The following TOX variants were observed in gnomAD, a reference collection of about 807,000 sequenced individuals.
TOX encodes the protein thymocyte selection-associated high mobility group box protein TOX.
Under a neutral mutation model 53.7 loss-of-function variants are expected in TOX, and 11 were observed. The observed-to-expected ratio is 0.20, with a 90% confidence interval of 0.13 to 0.34. The LOEUF (loss-of-function observed/expected upper bound fraction) is 0.34. TOX is among the 10% of genes least tolerant of loss of function. The pLI is 1.00. For synonymous variants in TOX, 225 were observed against 245.3 expected (o/e 0.92, Z 0.77); for missense variants, 570 against 664.6 (o/e 0.86, Z 1.56).
intron 3 of TOX, among the ~76,000 whole-genome samples, chr8:58,854,911 A>G (rs1259488873): frequency 6.6e-6 from 1 of 152,210 alleles, no homozygotes; most frequent in African/African-American, 2.4e-5. Flanking sequence ...AAGTTTGATT[A>G]CTGAAAATAT....
chr8:58,997,541 C>T (rs939771383), intron 1 of TOX, among the ~76,000 whole-genome samples: 1 of 152,286 alleles, frequency 6.6e-6, no homozygotes, highest in Non-Finnish European at 1.5e-5. Flanking sequence ...CTGCCAAGTG[C>T]GCCTGGGTGG....
At chr8:59,055,147 A>G (rs760114176) in intron 1 of TOX, among the ~76,000 whole-genome samples, 8 of 152,128 alleles carry the variant, frequency 5.3e-5, no homozygotes, top group Non-Finnish European at 1.2e-4. Context: ...ATTACTTTGT[A>G]TACTCCTAGA....
intron 1 of TOX, among the ~76,000 whole-genome samples, chr8:59,058,940 C>A (rs577360077): frequency 2.6e-5 from 4 of 152,326 alleles, no homozygotes; most frequent in African/African-American, 9.6e-5. Context: ...TAATCTTGCA[C>A]ATCAAGCACA....
chr8:58,909,145 C>T (rs1563386408), intron 3 of TOX, among the ~76,000 whole-genome samples: 1 of 152,176 alleles, frequency 6.6e-6, no homozygotes, highest in African/African-American at 2.4e-5. Flanking sequence ...CACCCTGAAA[C>T]AGTTAGACCC....
At chr8:58,818,397 T>C (rs1585841853) in intron 6 of TOX, among the ~76,000 whole-genome samples, 1 of 152,186 alleles carries the variant, frequency 6.6e-6, no homozygotes, top group African/African-American at 2.4e-5. Context: ...TTTCTAATCA[T>C]TGACTGTGAC....
At chr8:59,021,481 A>AAATAAATATATAT (rs59174995) in intron 1 of TOX, among the ~76,000 whole-genome samples, 1 of 64,740 alleles carries the variant, frequency 1.5e-5, no homozygotes, top group Non-Finnish European at 3.1e-5. Context: ...AAAAAAAAAA[A>AAATAAATATATAT]ATATATATAT....
At chr8:59,050,395 G>A (rs760947593) in intron 1 of TOX, among the ~76,000 whole-genome samples, 4 of 151,974 alleles carry the variant, frequency 2.6e-5, no homozygotes, top group Non-Finnish European at 4.4e-5. Context: ...TATTAGAAAC[G>A]ATAAGCCAGA....
intron 5 of TOX, among the ~76,000 whole-genome samples, chr8:58,832,869 G>A (rs778970802): frequency 1.3e-5 from 2 of 152,162 alleles, no homozygotes; most frequent in African/African-American, 4.8e-5. Context: ...TGTTGCTATT[G>A]AGCTGAACTG....
chr8:59,036,624 C>CATCA (rs1480832216), intron 1 of TOX, among the ~76,000 whole-genome samples: 1 of 152,094 alleles, frequency 6.6e-6, no homozygotes, highest in Non-Finnish European at 1.5e-5. Context: ...ATGAAAATAC[C>CATCA]ATCAATCAAT....
At chr8:59,036,843 GATA>G (rs1191722506) in intron 1 of TOX, among the ~76,000 whole-genome samples, 1 of 152,156 alleles carries the variant, frequency 6.6e-6, no homozygotes, top group African/African-American at 2.4e-5. Context: ...TATTTTTGCA[GATA>G]ATAAGATAGA....
chr8:59,018,016 T>C (rs956417404), intron 1 of TOX, among the ~76,000 whole-genome samples: 1 of 152,166 alleles, frequency 6.6e-6, no homozygotes, highest in Non-Finnish European at 1.5e-5. Context: ...AAAGCACTGT[T>C]TTTTACTCCC....
chr8:58,852,363 C>G (rs574427656), intron 3 of TOX, among the ~76,000 whole-genome samples: 10 of 152,278 alleles, frequency 6.6e-5, no homozygotes, highest in Admixed American at 2.0e-4. Flanking sequence ...AACTACCAGA[C>G]TCAAAACACT....
intron 1 of TOX, among the ~76,000 whole-genome samples, chr8:59,006,529 T>C (rs1813794894): frequency 6.6e-6 from 1 of 152,218 alleles, no homozygotes; most frequent in Non-Finnish European, 1.5e-5. Flanking sequence ...CCTGTAATTC[T>C]ACCACCATGG....
intron 4 of TOX, among the ~76,000 whole-genome samples, chr8:58,842,104 T>G (rs1423603580): frequency 1.3e-5 from 2 of 152,170 alleles, no homozygotes; most frequent in Admixed American, 1.3e-4. Flanking sequence ...TAATTTTAGG[T>G]GTCAAGTTGA....
At chr8:58,934,837 G>T (rs1053964228) in intron 3 of TOX, among the ~76,000 whole-genome samples, 2 of 152,116 alleles carry the variant, frequency 1.3e-5, no homozygotes, top group Non-Finnish European at 2.9e-5. Context: ...ACTGGTCTGC[G>T]TAATCTTAAA....
chr8:58,975,399 T>C (rs918774717), intron 1 of TOX, among the ~76,000 whole-genome samples: 7 of 152,092 alleles, frequency 4.6e-5, no homozygotes, highest in Admixed American at 1.3e-4. Flanking sequence ...ACTAATTAAG[T>C]CCTTAATTTG....
At chr8:58,898,072 A>C (rs1387660992) in intron 3 of TOX, among the ~76,000 whole-genome samples, 1 of 152,218 alleles carries the variant, frequency 6.6e-6, no homozygotes. Context: ...TTCTCCATTA[A>C]AAATCCTTTA....
intron 1 of TOX, among the ~76,000 whole-genome samples, chr8:59,107,052 G>GT (rs200271621): frequency 0.11 from 15,057 of 134,054 alleles, 2,787 homozygotes; most frequent in East Asian, 0.41. Flanking sequence ...TTGCTGGGGG[G>GT]GGGGGGAACG....
chr8:59,114,153 A>C (rs1805063848), intron 1 of TOX, among the ~76,000 whole-genome samples: 1 of 152,222 alleles, frequency 6.6e-6, no homozygotes, highest in South Asian at 2.1e-4. Context: ...CATTTAAACA[A>C]AATCCACAAT....
Sources: allele counts gnomAD v4.1 joint callset (sites outside exome capture counted in the v4.1 genomes callset), GRCh38; gene constraint gnomAD v4.1.1; transcripts MANE v1.5; gene names NCBI Gene and HGNC (gene_info 2026-07-23, HGNC 2026-07-21).